Variants in FNDC3B observed in about 807,000 individuals in gnomAD.
The protein encoded by FNDC3B is fibronectin type III domain-containing protein 3B.
Under a neutral mutation model 151.5 loss-of-function variants are expected in FNDC3B, and 12 were observed. The ratio of observed to expected loss-of-function variants is 0.08; its 90% CI spans 0.05 to 0.13. FNDC3B has a LOEUF of 0.13. FNDC3B is among the 10% of genes least tolerant of loss of function. The probability of loss-of-function intolerance (pLI) is 1.00; values close to 1 mark genes in which losing one functional copy is unlikely to be tolerated. For synonymous variants in FNDC3B, 528 were observed against 549.0 expected (o/e 0.96, Z 0.54); for missense variants, 1,214 against 1,505.3 (o/e 0.81, Z 3.20).
chr3:172,392,810 C>CTTTCTTTTTTTTTT (rs1491505881), intron 25 of FNDC3B, among the ~76,000 whole-genome samples: 14 of 99,900 alleles, frequency 1.4e-4, no homozygotes, highest in South Asian at 4.0e-4. Flanking sequence ...TTTTTTTTTT[C>CTTTCTTTTTTTTTT]TTTTTTTTTT....
At chr3:172,065,452 A>G (rs1209345628) in intron 1 of FNDC3B, among the ~76,000 whole-genome samples, 1 of 152,226 alleles carries the variant, frequency 6.6e-6, no homozygotes, top group Non-Finnish European at 1.5e-5. Context: ...TTGAAGTCCT[A>G]CTTCCTGTGT....
intron 4 of FNDC3B, among the ~76,000 whole-genome samples, chr3:172,242,612 C>T (rs1254429140): frequency 2.6e-5 from 4 of 152,180 alleles, no homozygotes; most frequent in African/African-American, 9.7e-5. Flanking sequence ...GGATGCAGGG[C>T]ACCAAGTCCT....
intron 25 of FNDC3B, among the ~76,000 whole-genome samples, chr3:172,387,885 AG>A (rs1315696648): frequency 3.3e-5 from 5 of 152,242 alleles, no homozygotes; most frequent in African/African-American, 1.2e-4. Flanking sequence ...TCAAGGACAA[AG>A]TTATGTGCCC....
intron 14 of FNDC3B, 58 bp downstream of exon 14, chr3:172,333,233 C>A (rs1037834632): frequency 1.1e-5 from 12 of 1,077,320 alleles, no homozygotes; most frequent in Middle Eastern, 2.2e-4. Context: ...TTCTATTTCA[C>A]CATTTACCAT....
chr3:172,328,693 A>G (rs1388736257), intron 11 of FNDC3B, among the ~76,000 whole-genome samples: 1 of 152,144 alleles, frequency 6.6e-6, no homozygotes, highest in African/African-American at 2.4e-5. Context: ...TTATTAACCA[A>G]AAAAACCACA....
chr3:172,313,834 C>T (rs1006314668), intron 11 of FNDC3B, among the ~76,000 whole-genome samples: 1 of 152,140 alleles, frequency 6.6e-6, no homozygotes, highest in African/African-American at 2.4e-5. Context: ...CATTCCTGCC[C>T]ATCCTGTCAT....
intron 6 of FNDC3B, among the ~76,000 whole-genome samples, chr3:172,261,597 T>A (rs1013196784): frequency 6.6e-6 from 1 of 152,244 alleles, no homozygotes; most frequent in Non-Finnish European, 1.5e-5. Flanking sequence ...TTTTTGGTGC[T>A]GTAGTGAGAC....
chr3:172,220,070 G>A (rs1364391793), intron 3 of FNDC3B, among the ~76,000 whole-genome samples: 1 of 131,700 alleles, frequency 7.6e-6, no homozygotes, highest in Non-Finnish European at 1.7e-5. Context: ...ATTTAACTTT[G>A]AGGAAGTGGT....
intron 21 of FNDC3B, among the ~76,000 whole-genome samples, chr3:172,351,524 C>T (rs973154402): frequency 2.0e-5 from 3 of 152,082 alleles, no homozygotes; most frequent in Non-Finnish European, 4.4e-5. Context: ...GTAAGAACTT[C>T]AAAGTTTTTT....
intron 3 of FNDC3B, among the ~76,000 whole-genome samples, chr3:172,136,829 C>T (rs1389084576): frequency 2.0e-5 from 3 of 152,266 alleles, no homozygotes; most frequent in Admixed American, 6.5e-5. Context: ...AAGCGACTCT[C>T]CTGCCTAAGC....
chr3:172,054,035 C>A (rs1174003077), intron 1 of FNDC3B, among the ~76,000 whole-genome samples: 1 of 152,148 alleles, frequency 6.6e-6, no homozygotes, highest in African/African-American at 2.4e-5. Context: ...AAAGGGAGTC[C>A]TTTTACTCAC....
At chr3:172,265,312 T>C (rs1346895770) in intron 6 of FNDC3B, among the ~76,000 whole-genome samples, 1 of 152,222 alleles carries the variant, frequency 6.6e-6, no homozygotes, top group Admixed American at 6.5e-5. Flanking sequence ...TTACTTTCAG[T>C]GTCAAAATAC....
chr3:172,118,167 A>T (rs140873451), intron 2 of FNDC3B, among the ~76,000 whole-genome samples: 81 of 152,340 alleles, frequency 5.3e-4, no homozygotes, highest in African/African-American at 1.9e-3. Flanking sequence ...CAGTATGTTC[A>T]ACATATTAAA....
chr3:172,151,487 G>A lies in FNDC3B; in HGVS notation c.187+17941G>A, dbSNP rs370536500. On this transcript the variant is annotated intron_variant, in intron 3 of 25. Transcript: ENST00000415807. ...CCAACCTCTTTTTTTTTCCTACAGT[G>A]TTAACCAAGAGAGATATATTACCTT... Among the ~76,000 whole-genome samples the A allele has an allele frequency of 1.4e-4, 21 of 151,748 alleles. No individual in the cohort carries two copies. The East Asian group carries it at 3.7e-3, about 27-fold the overall frequency.
intron 1 of FNDC3B, among the ~76,000 whole-genome samples, chr3:172,065,942 G>GT (rs1170478654): frequency 6.6e-6 from 1 of 152,138 alleles, no homozygotes; most frequent in African/African-American, 2.4e-5. Flanking sequence ...TGATAATGAT[G>GT]TAGAGGTATG....
intron 1 of FNDC3B, among the ~76,000 whole-genome samples, chr3:172,052,506 T>C (rs1030650643): frequency 6.6e-6 from 1 of 152,198 alleles, no homozygotes; most frequent in Non-Finnish European, 1.5e-5. Context: ...CAAGTGTTGG[T>C]TAGTGCTAAA....
intron 11 of FNDC3B, among the ~76,000 whole-genome samples, 175 bp from the exon 12 acceptor site, chr3:172,328,777 A>G (rs905905638): frequency 6.6e-6 from 1 of 152,214 alleles, no homozygotes; most frequent in African/African-American, 2.4e-5. Flanking sequence ...ATTTCATTGT[A>G]GAATGCTTTA....
intron 6 of FNDC3B, among the ~76,000 whole-genome samples, chr3:172,260,864 T>A (rs528609638): frequency 4.5e-4 from 69 of 152,222 alleles, no homozygotes; most frequent in Admixed American, 4.4e-3. Context: ...CAGAATGGGG[T>A]CTGACAGGCC....
chr3:172,350,689 T>C (rs1222912807), intron 21 of FNDC3B, among the ~76,000 whole-genome samples: 2 of 152,104 alleles, frequency 1.3e-5, no homozygotes, highest in Non-Finnish European at 2.9e-5. Flanking sequence ...TAGACCTTGA[T>C]TTAAGAGCTC....
Sources: allele counts gnomAD v4.1 joint callset (sites outside exome capture counted in the v4.1 genomes callset), GRCh38; gene constraint gnomAD v4.1.1; transcripts MANE v1.5; gene names NCBI Gene and HGNC (gene_info 2026-07-23, HGNC 2026-07-21).